FBLN1: variants seen among roughly 807,000 people sequenced by gnomAD.
The protein encoded by FBLN1 is fibulin-1.
A neutral mutation model predicts 89.7 loss-of-function variants in FBLN1; 34 were observed. The observed-to-expected ratio is 0.38, with a 90% confidence interval of 0.29 to 0.50. The LOEUF is 0.50. Ranked by LOEUF, FBLN1 falls within the 20% of genes least tolerant of loss-of-function variation. The probability of loss-of-function intolerance (pLI) is 0.92; values close to 1 mark genes in which losing one functional copy is unlikely to be tolerated. For synonymous variants in FBLN1, 393 were observed against 391.3 expected (o/e 1.00, Z -0.05); for missense variants, 777 against 988.1 (o/e 0.79, Z 2.86).
chr22:45,541,186 C>A (rs921278537), intron 8 of FBLN1, 43 bp from the exon 9 acceptor site: 1 of 1,613,620 alleles, frequency 6.2e-7, no homozygotes, highest in African/African-American at 1.3e-5. Flanking sequence ...TCTGGGACAC[C>A]CTCCAGGTTT....
rs1369157098 is a variant in FBLN1, at chr22:45,550,956, G to A, written c.1697+341G>A. ...TCAGTTTCCTCATCTGTAACATGCAGATGTCAGAACGTGCTCTGACTGAGA... is the reference window on the plus strand; with the variant it reads ...TCAGTTTCCTCATCTGTAACATGCAAATGTCAGAACGTGCTCTGACTGAGA... On this transcript the variant is annotated intron_variant, in intron 14 of 16. Coordinates refer to ENST00000327858, the MANE Select transcript of FBLN1 (RefSeq NM_006486.3). This position sits in a 1 kb window ranked among gnomAD's most constrained non-coding sequence, Gnocchi z 8.4. The A allele has an allele frequency of 2.5e-6, 1 of 403,848 alleles. No individual in the cohort carries two copies. The highest frequency in any genetic ancestry group is 4.7e-6 in the Non-Finnish European group (1 of 213,026). 25.0% of individuals were successfully genotyped at this position (403,848 alleles called of 1,614,324 possible).
At position 45,568,689 on chromosome 22, in the gene FBLN1, AATGCTCCTTCTGTAGGGGAG is replaced by A. The variant is rs1569260359; in HGVS notation, c.1698-5821_1698-5802del. ...TAGGGGAATGCCTCTTCTGTAGGGG[AATGCTCCTTCTGTAGGGGAG>A]TGCTCCTTCTGTAGGAGAATGCTCC... On this transcript the variant is annotated intron_variant, in intron 14 of 16. Transcript: ENST00000327858. Among the ~76,000 whole-genome samples, 38 of 71,302 alleles carry A rather than the reference AATGCTCCTTCTGTAGGGGAG, an allele frequency of 5.3e-4. 9 individuals carry two copies. Among genetic ancestry groups the A allele is most frequent in the African/African-American group, 2.1e-3 (34 of 15,916 alleles). 46.8% of individuals were successfully genotyped at this position (71,302 alleles called of 152,430 possible).
chr22:45,558,165 T>C, intron 14 of FBLN1: 1 of 709,022 alleles, frequency 1.4e-6, no homozygotes, highest in Non-Finnish European at 2.6e-6. Context: ...TTGAGCCACT[T>C]CCTCATGTAA....
chr22:45,596,337 A>G (rs5765524), intron 16 of FBLN1, among the ~76,000 whole-genome samples: 55,521 of 151,992 alleles, frequency 0.37, 12,088 homozygotes, highest in East Asian at 0.55. Context: ...CATGGAGCTC[A>G]CTGCATGAGC....
intron 16 of FBLN1, among the ~76,000 whole-genome samples, chr22:45,582,352 C>T (rs978160274): frequency 7.9e-5 from 12 of 152,224 alleles, no homozygotes; most frequent in Non-Finnish European, 1.3e-4. Flanking sequence ...ATCTTGGGTC[C>T]TGGGCCAGCC....
chr22:45,532,798 A>G lies in FBLN1; in HGVS notation c.545-265A>G. Reference sequence around the variant, plus strand: ...TCTCTGCTTCGCCCCTTCCAGGTCCACCCCAGCCTACAAAGGGCACCCTGC... The same window carrying G: ...TCTCTGCTTCGCCCCTTCCAGGTCCGCCCCAGCCTACAAAGGGCACCCTGC... On this transcript the variant is annotated intron_variant, in intron 5 of 16. Coordinates refer to ENST00000327858, the MANE Select transcript of FBLN1 (RefSeq NM_006486.3). The surrounding 1 kb of genome is among the most constrained non-coding windows in gnomAD (Gnocchi z 4.2). 3.6e-6 allele frequency: 2 copies of G among 558,766 alleles called. 1 individual carries two copies. Among genetic ancestry groups the G allele is most frequent in the Non-Finnish European group, 6.4e-6 (2 of 310,306 alleles). The allele number at this position is 558,766 out of a possible 1,614,324, so 34.6% of individuals were successfully genotyped here. A position where few individuals can be genotyped will look rare whatever the true frequency, so the allele number is the denominator to read the frequency against.
At chr22:45,567,500 C>G (rs1448834166) in intron 14 of FBLN1, among the ~76,000 whole-genome samples, 1 of 152,202 alleles carries the variant, frequency 6.6e-6, no homozygotes, top group African/African-American at 2.4e-5. Flanking sequence ...CCTGTAATCT[C>G]AGCTGCTCAG....
rs1270039504 is a variant in FBLN1, at chr22:45,588,146, CG to C, written c.1972+11042del. ...CAGAGCAGGGGAGGGGAGTGGGAGG[CG>C]GGGTGCAGCATGGCGGTACAGCTTT... On this transcript the variant is annotated intron_variant, in intron 16 of 16. Coordinates refer to ENST00000327858, the MANE Select transcript of FBLN1 (RefSeq NM_006486.3). The surrounding 1 kb of genome is among the most constrained non-coding windows in gnomAD (Gnocchi z 5.1). Among the ~76,000 whole-genome samples, 1 of 151,984 alleles carries C rather than the reference CG, an allele frequency of 6.6e-6. No homozygotes were observed. Among genetic ancestry groups the C allele is most frequent in the Non-Finnish European group, 1.5e-5 (1 of 67,992 alleles).
rs763434568 is a variant in FBLN1, at chr22:45,563,027, C to T, written c.1698-11484C>T. ...CATCCAAGCGCCCGCGGTGGTTTTC[C>T]GCATGGGCCCCTCCAGTGCTGTCCC... On this transcript the variant is annotated intron_variant, in intron 14 of 16. Coordinates refer to ENST00000327858, the MANE Select transcript of FBLN1 (RefSeq NM_006486.3). The surrounding 1 kb of genome is among the most constrained non-coding windows in gnomAD (Gnocchi z 5.7). The T allele has an allele frequency of 1.1e-5, 17 of 1,613,348 alleles. No individual in the cohort carries two copies. The highest frequency in any genetic ancestry group is 1.4e-5 in the Non-Finnish European group (17 of 1,179,994).
chr22:45,543,657 G>C, intron 11 of FBLN1, 131 bp downstream of exon 11: 1 of 1,253,292 alleles, frequency 8.0e-7, no homozygotes, highest in South Asian at 1.3e-5. Flanking sequence ...CAGGGGAAGT[G>C]CCTGTAAAAT....
chr22:45,539,090 A>T (rs956526130), intron 8 of FBLN1, among the ~76,000 whole-genome samples: 1 of 25,318 alleles, frequency 3.9e-5, no homozygotes. Context: ...TCCCCCTCCC[A>T]TCCTCCCCCT....
At chr22:45,509,200 G>A (rs2088065524) in intron 1 of FBLN1, among the ~76,000 whole-genome samples, 1 of 152,166 alleles carries the variant, frequency 6.6e-6, no homozygotes, top group African/African-American at 2.4e-5. Context: ...AGCCCAGGAG[G>A]CCCTTGGAGC....
rs1187579699 is a variant in FBLN1 at position 45,580,283 on chromosome 22, C to T, written c.1972+3175C>T. Among the ~76,000 whole-genome samples the T allele has an allele frequency of 6.6e-6, 1 of 152,120 alleles. No individual in the cohort carries two copies. On this transcript the variant is annotated intron_variant, in intron 16 of 16. Coordinates refer to ENST00000327858, the MANE Select transcript of FBLN1 (RefSeq NM_006486.3). This position sits in a 1 kb window ranked among gnomAD's most constrained non-coding sequence, Gnocchi z 8.6. The stretch of plus-strand genomic sequence containing the variant: ...GTGGGGAGCGTGGGAGGCTCTTGAG[C>T]CTCCTGGGCAGCCCCGTGCAGCTCT...
In FBLN1 at chr22:45,575,193, C is replaced by T. The variant is rs1284339875; in HGVS notation, c.1840+540C>T. Among the ~76,000 whole-genome samples, 3 of 152,102 alleles carry T rather than the reference C, an allele frequency of 2.0e-5. No homozygotes were observed. The highest frequency in any genetic ancestry group is 2.1e-4 in the South Asian group (1 of 4,812). On this transcript the variant is annotated intron_variant, in intron 15 of 16. Transcript: ENST00000327858. The surrounding 1 kb of genome is among the most constrained non-coding windows in gnomAD (Gnocchi z 6.3). The stretch of plus-strand genomic sequence containing the variant: ...TCAGGTGGTCTTTTCTTATGGGTAA[C>T]GGTTGTTCTGCAGAGAGCCATTAAG...
At chr22:45,595,814 A>G (rs1459108543) in intron 16 of FBLN1, among the ~76,000 whole-genome samples, 1 of 152,298 alleles carries the variant, frequency 6.6e-6, no homozygotes, top group Non-Finnish European at 1.5e-5. Flanking sequence ...AAAAAGGATG[A>G]CATCGAGTTT....
At chr22:45,595,649 T>C (rs1045003754) in intron 16 of FBLN1, among the ~76,000 whole-genome samples, 3 of 152,308 alleles carry the variant, frequency 2.0e-5, no homozygotes, top group South Asian at 4.1e-4. Context: ...ATTTTCTATA[T>C]GTTCAGGGCT....
chr22:45,515,518 A>C (rs2146946264), intron 1 of FBLN1, among the ~76,000 whole-genome samples: 1 of 152,324 alleles, frequency 6.6e-6, no homozygotes, highest in South Asian at 2.1e-4. Context: ...CCGTTTCTGC[A>C]GCTCTGGGTG....
At position 45,581,223 on chromosome 22, in the gene FBLN1, G is replaced by A. The variant is rs1204608877; in HGVS notation, c.1972+4115G>A. ...ACAGAAAGGCAACTCGAGGCCACCC[G>A]GGCTCCCCGGGCCCCTGGGCTATGG... On this transcript the variant is annotated intron_variant, in intron 16 of 16. Transcript: ENST00000327858. The surrounding 1 kb of genome is among the most constrained non-coding windows in gnomAD (Gnocchi z 7.6). Among the ~76,000 whole-genome samples, 2 of 152,142 alleles carry A rather than the reference G, an allele frequency of 1.3e-5. No individual in the cohort carries two copies. The highest frequency in any genetic ancestry group is 2.9e-5 in the Non-Finnish European group (2 of 68,022).
intron 14 of FBLN1, among the ~76,000 whole-genome samples, chr22:45,567,737 A>T (rs112249296): frequency 6.6e-6 from 1 of 152,290 alleles, no homozygotes; most frequent in African/African-American, 2.4e-5. Context: ...AAATGTTTCC[A>T]TGGAAAACAT....
Sources: allele counts gnomAD v4.1 joint callset (sites outside exome capture counted in the v4.1 genomes callset), GRCh38; gene constraint gnomAD v4.1.1; non-coding constraint Gnocchi (gnomAD v3.1); transcripts MANE v1.5; gene names NCBI Gene and HGNC (gene_info 2026-07-23, HGNC 2026-07-21).